Variants in IMMP2L observed in about 807,000 individuals in gnomAD.
IMMP2L encodes mitochondrial inner membrane protease subunit 2.
Under a neutral mutation model 19.3 loss-of-function variants are expected in IMMP2L, and 18 were observed. The observed-to-expected ratio is 0.93, with a 90% CI of 0.64 to 1.38. The LOEUF is 1.38. Among genes scored for constraint, IMMP2L ranks in the 40% most tolerant of loss-of-function variants. The pLI, the probability that IMMP2L is intolerant of heterozygous loss-of-function variation, is 0.00. For missense variants in IMMP2L, 233 were observed against 218.2 expected (o/e 1.07, Z -0.43); for synonymous variants, 76 against 73.0 (o/e 1.04, Z -0.21).
chr7:111,435,651 C>G (rs1342460178), intron 3 of IMMP2L, among the ~76,000 whole-genome samples: 1 of 151,840 alleles, frequency 6.6e-6, no homozygotes, highest in Non-Finnish European at 1.5e-5. Flanking sequence ...TGTAAGAAAC[C>G]TGCACTTGTC....
chr7:111,227,705 C>T (rs1377660584), intron 3 of IMMP2L, among the ~76,000 whole-genome samples: 2 of 152,130 alleles, frequency 1.3e-5, no homozygotes, highest in Non-Finnish European at 2.9e-5. Flanking sequence ...ACACAATAAA[C>T]ATCTAATGCT....
intron 5 of IMMP2L, among the ~76,000 whole-genome samples, chr7:110,746,000 G>A (rs1474794570): frequency 6.6e-6 from 1 of 152,040 alleles, no homozygotes; most frequent in Non-Finnish European, 1.5e-5. Flanking sequence ...CTGTATTCAG[G>A]AGACCCATCT....
At chr7:111,532,011 G>GA (rs931772265) in intron 1 of IMMP2L, among the ~76,000 whole-genome samples, 196 of 148,772 alleles carry the variant, frequency 1.3e-3, no homozygotes, top group African/African-American at 4.5e-3. Flanking sequence ...ACTCTTTTTA[G>GA]AAAAAAAAAA....
At chr7:110,723,997 T>A (rs1261531235) in intron 5 of IMMP2L, among the ~76,000 whole-genome samples, 1 of 152,154 alleles carries the variant, frequency 6.6e-6, no homozygotes, top group Non-Finnish European at 1.5e-5. Flanking sequence ...ATATGAATTA[T>A]AAAAGTAAAG....
intron 3 of IMMP2L, among the ~76,000 whole-genome samples, chr7:111,149,590 T>A (rs1265219177): frequency 6.6e-6 from 1 of 152,204 alleles, no homozygotes; most frequent in African/African-American, 2.4e-5. Context: ...ACTTTTTTGA[T>A]ATTGCTAGAC....
At chr7:111,044,719 T>C (rs1005211686) in intron 3 of IMMP2L, among the ~76,000 whole-genome samples, 3 of 152,164 alleles carry the variant, frequency 2.0e-5, no homozygotes, top group African/African-American at 4.8e-5. Context: ...AAAAATGGCA[T>C]GACCAATGGA....
chr7:111,224,894 TC>T (rs1812912352), intron 3 of IMMP2L, among the ~76,000 whole-genome samples: 1 of 152,102 alleles, frequency 6.6e-6, no homozygotes, highest in Non-Finnish European at 1.5e-5. Context: ...TTTAAGAATG[TC>T]TTCGATGAAG....
At chr7:111,260,591 G>A (rs772549550) in intron 3 of IMMP2L, among the ~76,000 whole-genome samples, 5 of 152,092 alleles carry the variant, frequency 3.3e-5, no homozygotes, top group East Asian at 1.9e-4. Context: ...GTAATGTGAA[G>A]GTCTCTACCT....
chr7:111,376,759 T>C (rs554349603), intron 3 of IMMP2L, among the ~76,000 whole-genome samples: 3 of 152,210 alleles, frequency 2.0e-5, no homozygotes, highest in Admixed American at 2.0e-4. Flanking sequence ...ATGATGAACC[T>C]TGAAGACATC....
chr7:110,778,143 T>A (rs1175072863), intron 5 of IMMP2L, among the ~76,000 whole-genome samples: 1 of 151,964 alleles, frequency 6.6e-6, no homozygotes, highest in Non-Finnish European at 1.5e-5. Flanking sequence ...ACAAAAGTTT[T>A]CCAGTGAAGA....
chr7:110,733,964 T>A (rs1434018923), intron 5 of IMMP2L, among the ~76,000 whole-genome samples: 1 of 152,158 alleles, frequency 6.6e-6, no homozygotes, highest in Non-Finnish European at 1.5e-5. Context: ...GAATTAAATT[T>A]CTACTATGTA....
intron 3 of IMMP2L, among the ~76,000 whole-genome samples, chr7:111,134,570 T>G (rs991230408): frequency 2.0e-5 from 3 of 152,168 alleles, no homozygotes; most frequent in African/African-American, 7.2e-5. Context: ...TATTAACTTA[T>G]CTCTTCTGTT....
intron 3 of IMMP2L, among the ~76,000 whole-genome samples, chr7:111,474,548 C>T (rs904499200): frequency 3.3e-5 from 5 of 151,756 alleles, no homozygotes; most frequent in African/African-American, 1.2e-4. Flanking sequence ...GCCTAATTAT[C>T]CATATTGCTT....
At chr7:111,092,192 C>T (rs1796944388) in intron 3 of IMMP2L, among the ~76,000 whole-genome samples, 1 of 152,158 alleles carries the variant, frequency 6.6e-6, no homozygotes, top group Admixed American at 6.5e-5. Context: ...TCTGAAGGGA[C>T]AGTGCAAATG....
chr7:111,296,095 G>T (rs1457421053), intron 3 of IMMP2L, among the ~76,000 whole-genome samples: 3 of 151,120 alleles, frequency 2.0e-5, no homozygotes, highest in Non-Finnish European at 4.4e-5. Flanking sequence ...AATGAAAAAG[G>T]CCATCTATAT....
At chr7:111,272,549 G>A (rs1263854382) in intron 3 of IMMP2L, among the ~76,000 whole-genome samples, 1 of 152,124 alleles carries the variant, frequency 6.6e-6, no homozygotes, top group Non-Finnish European at 1.5e-5. Flanking sequence ...TAATCTCAAG[G>A]CCTGTACAGT....
chr7:111,551,666 T>C (rs1452068618), intron 1 of IMMP2L, among the ~76,000 whole-genome samples: 3 of 151,964 alleles, frequency 2.0e-5, no homozygotes, highest in East Asian at 1.9e-4. Flanking sequence ...GGCTCAAAGA[T>C]GGTTCTGGCA....
chr7:111,311,130 T>G (rs879176536), intron 3 of IMMP2L, among the ~76,000 whole-genome samples: 5 of 152,108 alleles, frequency 3.3e-5, no homozygotes, highest in Admixed American at 3.3e-4. Context: ...CTTCATTCCA[T>G]GGTTCAGAAA....
intron 3 of IMMP2L, among the ~76,000 whole-genome samples, chr7:111,447,449 G>A (rs1337179796): frequency 6.7e-6 from 1 of 149,886 alleles, no homozygotes; most frequent in Admixed American, 6.7e-5. Flanking sequence ...TTCATATCCA[G>A]CCAAACTAAG....
Sources: gnomAD v4.1 joint callset for allele counts (sites outside exome capture counted in the v4.1 genomes callset) on GRCh38, gnomAD v4.1.1 for gene constraint, MANE v1.5 for transcripts, NCBI Gene and HGNC (gene_info 2026-07-23, HGNC 2026-07-21) for gene names.